Variants in ABCA13 observed in about 807,000 individuals in gnomAD.
The protein encoded by ABCA13 is ATP-binding cassette sub-family A member 13.
ABCA13 carries 476 observed loss-of-function variants against 478.7 expected under a neutral mutation model. The ratio of observed to expected loss-of-function variants is 0.99; its 90% CI spans 0.92 to 1.07. ABCA13 has a LOEUF of 1.07. Ranked by LOEUF, ABCA13 falls within the 50% of genes least tolerant of loss-of-function variation. The probability of loss-of-function intolerance (pLI) is 0.00; values close to 1 mark genes in which losing one functional copy is unlikely to be tolerated. For missense variants in ABCA13, 6,060 were observed against 5,910.6 expected (o/e 1.03, Z -0.83); for synonymous variants, 2,252 against 2,158.9 (o/e 1.04, Z -1.20).
intron 2 of ABCA13, among the ~76,000 whole-genome samples, chr7:48,194,651 A>T (rs1797687004): frequency 6.6e-6 from 1 of 152,184 alleles, no homozygotes; most frequent in Non-Finnish European, 1.5e-5. Context: ...TAATCATTAC[A>T]TCAATAAGGG....
At chr7:48,190,950 A>G (rs1797027720) in intron 1 of ABCA13, among the ~76,000 whole-genome samples, 1 of 152,186 alleles carries the variant, frequency 6.6e-6, no homozygotes, top group Non-Finnish European at 1.5e-5. Flanking sequence ...TGTTTTTTAT[A>G]CAACTACTTG....
intron 3 of ABCA13, among the ~76,000 whole-genome samples, chr7:48,204,618 G>A (rs1007846543): frequency 6.6e-5 from 10 of 152,122 alleles, no homozygotes; most frequent in Non-Finnish European, 1.3e-4. Flanking sequence ...ATGCTTTGGG[G>A]CCCTCCACAA....
At chr7:48,205,575 T>C (rs1416539766) in intron 3 of ABCA13, among the ~76,000 whole-genome samples, 1 of 152,250 alleles carries the variant, frequency 6.6e-6, no homozygotes, top group East Asian at 1.9e-4. Context: ...GAAGTCTTTG[T>C]TCTTCCATGT....
intron 48 of ABCA13, 39 bp downstream of exon 48, chr7:48,489,383 A>T: frequency 6.8e-7 from 1 of 1,478,410 alleles, no homozygotes; most frequent in South Asian, 1.2e-5. Flanking sequence ...CACTACTTTC[A>T]AAAGACAATG....
chr7:48,535,078 G>T (rs548504106), intron 55 of ABCA13, among the ~76,000 whole-genome samples: 1 of 152,236 alleles, frequency 6.6e-6, no homozygotes, highest in South Asian at 2.1e-4. Flanking sequence ...GGGTGTTAAA[G>T]AATTATGTTT....
chr7:48,512,384 T>G (rs1476634808), intron 51 of ABCA13, among the ~76,000 whole-genome samples: 1 of 152,244 alleles, frequency 6.6e-6, no homozygotes, highest in Non-Finnish European at 1.5e-5. Flanking sequence ...TCTTTAGAAT[T>G]ATTTTACTCT....
At chr7:48,404,948 C>T (rs1374819763) in intron 39 of ABCA13, among the ~76,000 whole-genome samples, 1 of 152,218 alleles carries the variant, frequency 6.6e-6, no homozygotes, top group African/African-American at 2.4e-5. Flanking sequence ...CCACTCTGGG[C>T]TTTGGCCTGG....
chr7:48,485,178 C>G (rs1243834392), intron 47 of ABCA13, among the ~76,000 whole-genome samples: 2 of 151,922 alleles, frequency 1.3e-5, no homozygotes, highest in African/African-American at 4.8e-5. Context: ...TCGTTTTTTT[C>G]ATAGTTCTGT....
chr7:48,376,061 C>T (rs1237805710), intron 34 of ABCA13, among the ~76,000 whole-genome samples: 1 of 152,094 alleles, frequency 6.6e-6, no homozygotes, highest in African/African-American at 2.4e-5. Flanking sequence ...TTTCCAAGAG[C>T]ACAGAGAGTT....
intron 37 of ABCA13, among the ~76,000 whole-genome samples, chr7:48,389,661 T>A (rs1815749554): frequency 6.6e-6 from 1 of 152,154 alleles, no homozygotes. Context: ...CATGTTCTGG[T>A]TTTTGTGTGG....
intron 1 of ABCA13, among the ~76,000 whole-genome samples, chr7:48,181,976 G>A (rs1795752251): frequency 6.6e-6 from 1 of 151,928 alleles, no homozygotes; most frequent in South Asian, 2.1e-4. Context: ...TCACTCCCTG[G>A]AGTCATCTTG....
chr7:48,198,186 A>G, intron 2 of ABCA13, 51 bp from the exon 3 acceptor site: 4 of 1,541,534 alleles, frequency 2.6e-6, no homozygotes, highest in Admixed American at 1.9e-5. Flanking sequence ...CAGGAATTCC[A>G]TTTCTGGTAG....
At chr7:48,519,030 G>T (rs1436512694) in intron 52 of ABCA13, among the ~76,000 whole-genome samples, 4 of 149,800 alleles carry the variant, frequency 2.7e-5, no homozygotes, top group East Asian at 4.0e-4. Context: ...CGTTCTCATT[G>T]CTCAGCTCCC....
At chr7:48,523,311 TAAAG>T (rs1158853295) in intron 53 of ABCA13, among the ~76,000 whole-genome samples, 1 of 152,148 alleles carries the variant, frequency 6.6e-6, no homozygotes, top group Admixed American at 6.5e-5. Flanking sequence ...GGAAAAATAA[TAAAG>T]AAAAGTTGCT....
intron 59 of ABCA13, among the ~76,000 whole-genome samples, chr7:48,622,112 G>T (rs1793197028): frequency 6.6e-6 from 1 of 152,116 alleles, no homozygotes; most frequent in Non-Finnish European, 1.5e-5. Context: ...TTCAACTGGA[G>T]AAATCATCAA....
intron 1 of ABCA13, among the ~76,000 whole-genome samples, chr7:48,177,848 C>T (rs959110335): frequency 3.9e-5 from 6 of 152,304 alleles, no homozygotes; most frequent in African/African-American, 1.2e-4. Context: ...CCTGTGGGAT[C>T]TTGGGGCTTG....
chr7:48,491,463 C>T (rs80321445), intron 48 of ABCA13, among the ~76,000 whole-genome samples: 1,767 of 152,234 alleles, frequency 0.012, 18 homozygotes, highest in Non-Finnish European at 0.017. Context: ...TGAAATATTT[C>T]AGGGTCATCC....
At position 48,544,973 on chromosome 7, in the gene ABCA13, T is replaced by A. The variant is rs1784689287; in HGVS notation, c.14354+16628T>A. On this transcript the variant is annotated intron_variant, in intron 55 of 61. Transcript: ENST00000435803. ...GCAGAAATGATTGCTTGATTGTTGG[T>A]GGGGAGAAATCCCCACACATTTGGT... is the stretch of plus-strand genomic sequence containing the variant. Among the ~76,000 whole-genome samples, 3 of 151,934 alleles carry A rather than the reference T, an allele frequency of 2.0e-5. No individual in the cohort carries two copies. In the South Asian group the frequency reaches 6.2e-4, roughly 32 times the overall value.
chr7:48,200,307 C>T (rs1798492261), intron 3 of ABCA13, among the ~76,000 whole-genome samples: 2 of 152,294 alleles, frequency 1.3e-5, no homozygotes, highest in South Asian at 2.1e-4. Context: ...GGGGAAGTCG[C>T]AGTGAGCCAA....
Sources: allele counts gnomAD v4.1 joint callset (sites outside exome capture counted in the v4.1 genomes callset), GRCh38; gene constraint gnomAD v4.1.1; transcripts MANE v1.5; gene names NCBI Gene and HGNC (gene_info 2026-07-23, HGNC 2026-07-21).